The following ROBO1 variants were observed in gnomAD, a reference collection of about 807,000 sequenced individuals.
ROBO1 encodes roundabout homolog 1.
In ROBO1, 149 loss-of-function variants were observed where a neutral mutation model predicts 195.9. That is an observed-to-expected ratio of 0.76 (90% CI 0.67 to 0.87). The LOEUF is 0.87. Among genes scored for constraint, ROBO1 ranks in the 40% least tolerant of loss-of-function variants. The pLI, the probability that ROBO1 is intolerant of heterozygous loss-of-function variation, is 0.00. For synonymous variants in ROBO1, 816 were observed against 733.2 expected (o/e 1.11, Z -1.82); for missense variants, 1,933 against 2,068.3 (o/e 0.93, Z 1.27).
chr3:78,721,930 C>G lies in ROBO1; in HGVS notation c.658-4047G>C, dbSNP rs567354718. Among the ~76,000 whole-genome samples the G allele has an allele frequency of 1.7e-3, 266 of 152,068 alleles. 2 individuals are homozygous for G. The highest frequency in any genetic ancestry group is 6.2e-3 in the African/African-American group (257 of 41,526). On this transcript the variant is annotated intron_variant, in intron 5 of 30. Transcript: ENST00000464233. ...TGGAGAAGGAGGGGGATTTAGTTAA[C>G]AAGAGTAATGAGGGCACTGCCAGGA...
chr3:78,833,115 T>G (rs1199807525), intron 4 of ROBO1, among the ~76,000 whole-genome samples: 2 of 151,820 alleles, frequency 1.3e-5, no homozygotes, highest in African/African-American at 4.8e-5. Context: ...CGGTGGCCAC[T>G]CTCTGCAGGA....
intron 2 of ROBO1, among the ~76,000 whole-genome samples, chr3:79,571,247 C>T (rs543222474): frequency 4.6e-5 from 7 of 151,996 alleles, no homozygotes; most frequent in Non-Finnish European, 7.4e-5. Flanking sequence ...AGGTAAAATC[C>T]CTGCATATCT....
At position 78,627,516 on chromosome 3, in the gene ROBO1, T is replaced by G; in HGVS notation, c.3680A>C (p.Gln1227Pro). The G allele has an allele frequency of 6.2e-7, 1 of 1,613,420 alleles. No homozygotes were observed. The highest frequency in any genetic ancestry group is 8.5e-7 in the Non-Finnish European group (1 of 1,179,720). ...ATCTTCCTCCTCTTCTAATTCATCT[T>G]GTTGCAAATACATCCTTGCTGGTGG... ...PVPPARMYLQ[Q>P]DELEEEEDER... Residue 1227 changes from glutamine to proline, a missense_variant, in exon 26 of 31, where the codon CAA (glutamine) becomes CCA (proline). Transcript: ENST00000464233.
chr3:79,440,067 T>G (rs2039003452), intron 2 of ROBO1, among the ~76,000 whole-genome samples: 1 of 152,068 alleles, frequency 6.6e-6, no homozygotes, highest in Non-Finnish European at 1.5e-5. Flanking sequence ...AGAGGAAATC[T>G]GTCCAGTATT....
intron 4 of ROBO1, among the ~76,000 whole-genome samples, chr3:78,755,469 G>T (rs571635985): frequency 8.2e-4 from 124 of 152,126 alleles, no homozygotes; most frequent in African/African-American, 2.9e-3. Context: ...GCCAGACCCT[G>T]TTTCAAAAAA....
chr3:79,462,657 A>T (rs919058393), intron 2 of ROBO1, among the ~76,000 whole-genome samples: 3 of 152,256 alleles, frequency 2.0e-5, no homozygotes, highest in Non-Finnish European at 2.9e-5. Context: ...AAAGCTTTTC[A>T]AACAAATCTC....
intron 1 of ROBO1, among the ~76,000 whole-genome samples, chr3:79,700,463 G>T (rs1175914860): frequency 3.3e-5 from 5 of 151,652 alleles, no homozygotes; most frequent in African/African-American, 9.7e-5. Context: ...GCTTTCCACA[G>T]TGGCTGAACT....
chr3:78,955,104 T>C (rs901738505), intron 3 of ROBO1, among the ~76,000 whole-genome samples: 2 of 116,422 alleles, frequency 1.7e-5, no homozygotes, highest in African/African-American at 9.0e-5. Context: ...AAACTGTGTG[T>C]CATGGGGTTA....
intron 2 of ROBO1, among the ~76,000 whole-genome samples, chr3:79,377,417 GTTCTAC>G (rs770825827): frequency 1.2e-4 from 18 of 152,254 alleles, no homozygotes; most frequent in Non-Finnish European, 2.6e-4. Context: ...GGATTTAAAT[GTTCTAC>G]TTCTACAATT....
At chr3:78,634,390 CA>C (rs777529801) in intron 23 of ROBO1, 1 of 205,750 alleles carries the variant, frequency 4.9e-6, no homozygotes, top group South Asian at 6.1e-5. Context: ...TTAAAAAAAA[CA>C]AATATCTTAA....
intron 20 of ROBO1, among the ~76,000 whole-genome samples, chr3:78,646,771 TA>T (rs1324232297): frequency 6.6e-6 from 1 of 151,982 alleles, no homozygotes; most frequent in Non-Finnish European, 1.5e-5. Flanking sequence ...TATTTCTCAT[TA>T]TATTTTCATC....
intron 2 of ROBO1, among the ~76,000 whole-genome samples, chr3:79,572,295 G>C (rs1943303993): frequency 6.6e-6 from 1 of 151,940 alleles, no homozygotes; most frequent in Non-Finnish European, 1.5e-5. Flanking sequence ...TTATCTGTCA[G>C]TATTTACATA....
At chr3:78,704,047 C>T (rs1224388609) in intron 8 of ROBO1, among the ~76,000 whole-genome samples, 1 of 151,988 alleles carries the variant, frequency 6.6e-6, no homozygotes, top group East Asian at 1.9e-4. Flanking sequence ...TGTGTTTCAT[C>T]AAAATGTTGA....
chr3:79,297,774 G>A (rs1278787055), intron 2 of ROBO1, among the ~76,000 whole-genome samples: 5 of 152,000 alleles, frequency 3.3e-5, no homozygotes, highest in South Asian at 4.1e-4. Context: ...ATTGTTAGAT[G>A]GGAAGATGTC....
At chr3:78,732,717 T>C (rs1380705931) in intron 5 of ROBO1, among the ~76,000 whole-genome samples, 3 of 152,112 alleles carry the variant, frequency 2.0e-5, no homozygotes, top group African/African-American at 4.8e-5. Flanking sequence ...TAAGAAATCA[T>C]GGATTCCTTA....
In ROBO1 at chr3:78,639,917, T is replaced by C; in HGVS notation, c.2883-19A>G. 1.3e-6 allele frequency: 2 copies of C among 1,503,104 alleles called. No individual in the cohort carries two copies. Among genetic ancestry groups the C allele is most frequent in the Non-Finnish European group, 1.8e-6 (2 of 1,120,094 alleles). 93.1% of individuals were successfully genotyped at this position (1,503,104 alleles called of 1,614,324 possible). On this transcript the variant is annotated intron_variant, in intron 21 of 30. Coordinates refer to ENST00000464233, the MANE Select transcript of ROBO1 (RefSeq NM_002941.4). ...TCCAGGCCTAAATAAAAAAAAAATATTAAAGCAAATGTTATATGAATAGAG... is the reference window on the plus strand; with the variant it reads ...TCCAGGCCTAAATAAAAAAAAAATACTAAAGCAAATGTTATATGAATAGAG...
chr3:78,691,595 T>C (rs1299882865), intron 8 of ROBO1, among the ~76,000 whole-genome samples: 2 of 152,170 alleles, frequency 1.3e-5, no homozygotes, highest in Non-Finnish European at 2.9e-5. Flanking sequence ...TAATCAAAAT[T>C]ATTTGCTAGC....
chr3:79,546,820 A>G (rs1002741641), intron 2 of ROBO1, among the ~76,000 whole-genome samples: 2 of 152,206 alleles, frequency 1.3e-5, no homozygotes, highest in African/African-American at 4.8e-5. Flanking sequence ...CATAGAAAAA[A>G]GTGCTGATTC....
chr3:78,758,209 T>C (rs900831957), intron 4 of ROBO1, among the ~76,000 whole-genome samples: 5 of 152,168 alleles, frequency 3.3e-5, no homozygotes, highest in Non-Finnish European at 5.9e-5. Flanking sequence ...TTCCAGTAAT[T>C]GTTTTATGTA....
Sources: gnomAD v4.1 joint callset for allele counts (sites outside exome capture counted in the v4.1 genomes callset) on GRCh38, gnomAD v4.1.1 for gene constraint, MANE v1.5 for transcripts, NCBI Gene and HGNC (gene_info 2026-07-23, HGNC 2026-07-21) for gene names.